MCHR2: variants seen among roughly 807,000 people sequenced by gnomAD.
MCHR2 encodes melanin-concentrating hormone receptor 2.
Under a neutral mutation model 24.8 loss-of-function variants are expected in MCHR2, and 15 were observed. The ratio of observed to expected loss-of-function variants is 0.60; its 90% CI spans 0.40 to 0.93. MCHR2 has a LOEUF of 0.93. Ranked by LOEUF, MCHR2 falls within the 40% of genes least tolerant of loss-of-function variation. MCHR2 has a pLI of 0.00. For synonymous variants in MCHR2, 151 were observed against 147.6 expected (o/e 1.02, Z -0.17); for missense variants, 386 against 408.7 (o/e 0.94, Z 0.48).
At chr6:99,973,918 T>C (rs1470324001) in intron 1 of MCHR2, among the ~76,000 whole-genome samples, 3 of 152,224 alleles carry the variant, frequency 2.0e-5, no homozygotes, top group Non-Finnish European at 4.4e-5. Flanking sequence ...AGAGTTTCTG[T>C]CGAGAGATCC....
intron 1 of MCHR2, among the ~76,000 whole-genome samples, chr6:99,963,746 T>C (rs1434527956): frequency 2.0e-5 from 3 of 152,130 alleles, no homozygotes; most frequent in South Asian, 4.1e-4. Flanking sequence ...GTTCATGTTC[T>C]AGGTATAATA....
chr6:99,922,488 C>T (rs1287595231), intron 5 of MCHR2, among the ~76,000 whole-genome samples: 1 of 152,102 alleles, frequency 6.6e-6, no homozygotes, highest in Non-Finnish European at 1.5e-5. Flanking sequence ...GAGATTTTCT[C>T]CAATATTTTC....
chr6:99,934,656 C>T (rs981335451), intron 4 of MCHR2, 139 bp from the exon 5 acceptor site: 1 of 727,028 alleles, frequency 1.4e-6, no homozygotes, highest in Non-Finnish European at 2.0e-6. Flanking sequence ...TGTGGAAAAG[C>T]TCAAGATCTT....
intron 1 of MCHR2, among the ~76,000 whole-genome samples, chr6:99,977,612 TA>T (rs1582407949): frequency 6.6e-6 from 1 of 152,158 alleles, no homozygotes; most frequent in Non-Finnish European, 1.5e-5. Context: ...GGGGTACATT[TA>T]TTTTTTTTCC....
At position 99,943,231 on chromosome 6, in the gene MCHR2, T is replaced by C. The variant is rs1582382173; in HGVS notation, c.393-88A>G. On this transcript the variant is annotated intron_variant, in intron 3 of 5. Transcript: ENST00000281806. The stretch of plus-strand genomic sequence containing the variant: ...AAGGTTCATGATGAGAGTAAATTCT[T>C]AGCATTATTTTCCTTTCTGAAGCAC... 3 of 1,004,260 alleles carry C rather than the reference T, an allele frequency of 3.0e-6. No individual in the cohort carries two copies. The African/African-American group carries it at 4.8e-5, about 16-fold the overall frequency. The allele number at this position is 1,004,260 out of a possible 1,614,324, so 62.2% of individuals were successfully genotyped here.
chr6:99,969,710 C>A (rs1227838072), intron 1 of MCHR2, among the ~76,000 whole-genome samples: 1 of 105,536 alleles, frequency 9.5e-6, no homozygotes, highest in African/African-American at 3.7e-5. Flanking sequence ...TATCCCTCCC[C>A]CCTCCCCCCA....
At position 99,919,883 on chromosome 6, in the gene MCHR2, A is replaced by G. The variant is rs1308923873; in HGVS notation, c.*1057T>C. 6.6e-6 allele frequency: 1 copy of G among 151,828 alleles called. No homozygotes were observed. Among genetic ancestry groups the G allele is most frequent in the Non-Finnish European group, 1.5e-5 (1 of 67,988 alleles). 9.4% of individuals were successfully genotyped at this position (151,828 alleles called of 1,614,324 possible). On this transcript the variant is annotated 3_prime_UTR_variant, in exon 6 of 6. Coordinates refer to ENST00000281806, the MANE Select transcript of MCHR2 (RefSeq NM_001040179.2). ...GCTGGGACTACAGGCACACACCACC[A>G]TGCTCGGCTAATCTTTTTTTATTTT...
chr6:99,958,050 CAGAT>C (rs1462741837), intron 1 of MCHR2, among the ~76,000 whole-genome samples: 9 of 151,856 alleles, frequency 5.9e-5, no homozygotes, highest in South Asian at 2.1e-4. Context: ...AAAAGAGAAT[CAGAT>C]AGAAGGACTT....
At chr6:99,960,649 G>A (rs1466321006) in intron 1 of MCHR2, among the ~76,000 whole-genome samples, 4 of 152,026 alleles carry the variant, frequency 2.6e-5, no homozygotes, top group Middle Eastern at 3.4e-3. Flanking sequence ...CAAATGGAAC[G>A]GAACAGAGGC....
intron 5 of MCHR2, among the ~76,000 whole-genome samples, chr6:99,922,750 G>A (rs529002800): frequency 9.9e-5 from 15 of 152,120 alleles, no homozygotes; most frequent in Non-Finnish European, 2.1e-4. Context: ...ATTGGTCTAT[G>A]TCTCTGTTAT....
Position 99,943,090 on chromosome 6 carries a change from T to C in MCHR2, c.446A>G (p.Lys149Arg). The C allele has an allele frequency of 1.9e-6, 3 of 1,612,476 alleles. No homozygotes were observed. The highest frequency in any genetic ancestry group is 2.5e-6 in the Non-Finnish European group (3 of 1,178,968). ...AAGGCCCAAATTGATCCGGATGGTCTTGTACCTTGTTCTCCAACGTGTCAG... is the reference window on the plus strand; with the variant it reads ...AAGGCCCAAATTGATCCGGATGGTCCTGTACCTTGTTCTCCAACGTGTCAG... ...FRLTRWRTRY[K>R]TIRINLGLWA... The change falls in exon 4 of 6, where the codon AAG becomes AGG. Residue 149 changes from lysine (K) to arginine (R), a missense_variant. By Grantham distance (26) the Lys-to-Arg change is conservative. Transcript: ENST00000281806.
chr6:99,961,989 G>C (rs1310744217), intron 1 of MCHR2, among the ~76,000 whole-genome samples: 1 of 152,090 alleles, frequency 6.6e-6, no homozygotes, highest in Non-Finnish European at 1.5e-5. Context: ...TTTTCTCATG[G>C]TATATCACAT....
chr6:99,980,636 A>C (rs1045524073), intron 1 of MCHR2, among the ~76,000 whole-genome samples: 5 of 152,122 alleles, frequency 3.3e-5, no homozygotes, highest in African/African-American at 1.2e-4. Context: ...CAGAGAAAAA[A>C]AATTTTCGAG....
rs552265167 is a variant in MCHR2, at chr6:99,966,845, T to C, written c.-27-10671A>G. ...AATTCTTCAGTATGATTTCATTATA[T>C]CTAGGGGCCATTTTCATCCAGGAAA... On this transcript the variant is annotated intron_variant, in intron 1 of 5. Transcript: ENST00000281806. Among the ~76,000 whole-genome samples the C allele has an allele frequency of 2.6e-5, 4 of 152,192 alleles. No individual in the cohort carries two copies. The South Asian group carries it at 8.3e-4, about 32-fold the overall frequency.
At position 99,953,224 on chromosome 6, in the gene MCHR2, G is replaced by A. The variant is rs111764038; in HGVS notation, c.182+2742C>T. 7.4e-3 allele frequency among the ~76,000 whole-genome samples: 1,125 copies of A among 152,246 alleles called. 8 individuals carry two copies. The highest frequency in any genetic ancestry group is 0.039 in the South Asian group (188 of 4,826). On this transcript the variant is annotated intron_variant, in intron 2 of 5. Transcript: ENST00000281806. ...ATCTCTTCAACAGCTTGTCACAAGA[G>A]CTGGAATCCCACACTGAAGAGGTTT...
chr6:99,991,534 C>T (rs1241866856), intron 1 of MCHR2, among the ~76,000 whole-genome samples: 1 of 152,118 alleles, frequency 6.6e-6, no homozygotes, highest in African/African-American at 2.4e-5. Context: ...GGCCGGGGCG[C>T]GGTGGCTCAC....
At chr6:99,979,000 G>A (rs553839035) in intron 1 of MCHR2, among the ~76,000 whole-genome samples, 21 of 152,258 alleles carry the variant, frequency 1.4e-4, no homozygotes, top group African/African-American at 2.9e-4. Flanking sequence ...TGCAGGTTGC[G>A]TACTGCTCAA....
At chr6:99,932,322 G>A (rs1326736484) in intron 5 of MCHR2, among the ~76,000 whole-genome samples, 1 of 152,104 alleles carries the variant, frequency 6.6e-6, no homozygotes, top group African/African-American at 2.4e-5. Context: ...ATAAAATGAG[G>A]AGAGAAGAGC....
At chr6:99,968,983 G>T (rs1201461550) in intron 1 of MCHR2, among the ~76,000 whole-genome samples, 1 of 152,028 alleles carries the variant, frequency 6.6e-6, no homozygotes, top group Non-Finnish European at 1.5e-5. Context: ...GGCTATAAGG[G>T]AAATTTATAG....
Sources: gnomAD v4.1 joint callset for allele counts (sites outside exome capture counted in the v4.1 genomes callset) on GRCh38, gnomAD v4.1.1 for gene constraint, MANE v1.5 for transcripts, NCBI Gene and HGNC (gene_info 2026-07-23, HGNC 2026-07-21) for gene names.